The following PCDHGA2 variants were observed in gnomAD, a reference collection of about 807,000 sequenced individuals.
PCDHGA2 encodes the protein protocadherin gamma-A2.
In PCDHGA2, 40 loss-of-function variants were observed where a neutral mutation model predicts 59.2. The ratio of observed to expected loss-of-function variants is 0.68; its 90% CI spans 0.52 to 0.88. The LOEUF (loss-of-function observed/expected upper bound fraction) is 0.88, where lower values mean the gene tolerates loss of function less well. Ranked by LOEUF, PCDHGA2 falls within the 40% of genes least tolerant of loss-of-function variation. The pLI is 0.00. For missense variants in PCDHGA2, 1,226 were observed against 1,204.0 expected, an observed-to-expected ratio of 1.02 and a Z score of -0.27; for synonymous variants, 560 against 526.0, an observed-to-expected ratio of 1.06 and a Z score of -0.89.
At chr5:141,447,947 A>G (rs2098555998) in intron 1 of PCDHGA2, among the ~76,000 whole-genome samples, 1 of 151,958 alleles carries the variant, frequency 6.6e-6, no homozygotes, top group South Asian at 2.1e-4. Flanking sequence ...TTAGCTGGGC[A>G]TGGTGGCGGA....
At chr5:141,418,484 C>T (rs771278923) in intron 1 of PCDHGA2, 1 of 1,613,878 alleles carries the variant, frequency 6.2e-7, no homozygotes, top group East Asian at 2.2e-5. Flanking sequence ...GAGCGCTCAC[C>T]ACTTGGTACT....
At chr5:141,377,245 G>C (rs376774075) in intron 1 of PCDHGA2, 1 of 151,350 alleles carries the variant, frequency 6.6e-6, no homozygotes, top group South Asian at 2.1e-4. Context: ...TGTGACATTT[G>C]TAAGGTTCTT....
intron 1 of PCDHGA2, chr5:141,418,494 T>TGATGGTGGG: frequency 6.2e-7 from 1 of 1,614,020 alleles, no homozygotes; most frequent in Non-Finnish European, 8.5e-7. Context: ...CACTTGGTAC[T>TGATGGTGGG]GACCGCCTTA....
chr5:141,488,040 G>A (rs1212272063), intron 1 of PCDHGA2, among the ~76,000 whole-genome samples: 1 of 152,112 alleles, frequency 6.6e-6, no homozygotes, highest in Non-Finnish European at 1.5e-5. Flanking sequence ...CATTTCCCAA[G>A]GGATTGAGGG....
At chr5:141,391,253 T>C (rs1157052865) in intron 1 of PCDHGA2, 1 of 152,146 alleles carries the variant, frequency 6.6e-6, no homozygotes, top group Non-Finnish European at 1.5e-5. Flanking sequence ...AAGCAACTGC[T>C]TCAGTTAATG....
chr5:141,386,030 A>G (rs2090434667), intron 1 of PCDHGA2: 1 of 152,256 alleles, frequency 6.6e-6, no homozygotes, highest in African/African-American at 2.4e-5. Flanking sequence ...CATTTGTGAC[A>G]TAGGCAATTA....
chr5:141,487,459 T>A lies in PCDHGA2; in HGVS notation c.2425-7348T>A. The A allele has an allele frequency of 1.2e-6, 2 of 1,614,102 alleles. No homozygotes were observed. Among genetic ancestry groups the A allele is most frequent in the Non-Finnish European group, 1.7e-6 (2 of 1,180,008 alleles). On this transcript the variant is annotated intron_variant, in intron 1 of 3. Transcript: ENST00000394576. The surrounding 1 kb of genome is among the most constrained non-coding windows in gnomAD (Gnocchi z 5.0). ...TAGGGTCAGATGACCCTATCAAGTT[T>A]GTTGATGTGGGAGGCCACTCTCATG...
chr5:141,376,210 C>T lies in PCDHGA2; in HGVS notation c.2424+34815C>T, dbSNP rs112869528. On this transcript the variant is annotated intron_variant, in intron 1 of 3. Transcript: ENST00000394576. ...CCTGCGTCTTCCTGGCCTTCGTCAT[C>T]GTGCTGCTGGCGCTCAGACTGCAGC... is the stretch of plus-strand genomic sequence containing the variant. 4,829 of 1,614,162 alleles carry T rather than the reference C, an allele frequency of 3.0e-3. 128 individuals carry two copies. The African/African-American group carries it at 0.055, about 18-fold the overall frequency.
intron 1 of PCDHGA2, chr5:141,398,637 T>G: frequency 6.2e-7 from 1 of 1,614,026 alleles, no homozygotes; most frequent in Non-Finnish European, 8.5e-7. Context: ...TGCAGAAGTA[T>G]AAACTCTCTC....
chr5:141,346,881 G>A (rs534651488), intron 1 of PCDHGA2, among the ~76,000 whole-genome samples: 19 of 152,298 alleles, frequency 1.2e-4, no homozygotes, highest in Admixed American at 9.8e-4. Context: ...ATTCCAACCT[G>A]TATAGCTTAT....
At chr5:141,402,788 C>A in intron 1 of PCDHGA2, 1 of 937,148 alleles carries the variant, frequency 1.1e-6, no homozygotes, top group Non-Finnish European at 1.5e-6. Flanking sequence ...AGTTCTGCGG[C>A]TACACAAAAC....
chr5:141,494,394 T>C (rs1437164389), intron 1 of PCDHGA2, among the ~76,000 whole-genome samples: 1 of 152,154 alleles, frequency 6.6e-6, no homozygotes, highest in African/African-American at 2.4e-5. Flanking sequence ...GTTGAATAAA[T>C]TCATTCTAGG....
intron 1 of PCDHGA2, chr5:141,395,360 G>A (rs2093220996): frequency 3.9e-6 from 5 of 1,290,318 alleles, no homozygotes; most frequent in Non-Finnish European, 5.2e-6. Context: ...AGAGTTTTGG[G>A]TTTATTTTGG....
chr5:141,383,239 A>T, intron 1 of PCDHGA2: 1 of 1,613,966 alleles, frequency 6.2e-7, no homozygotes, highest in South Asian at 1.1e-5. Flanking sequence ...GGAAGATAAA[A>T]TGAATCTTTA....
Position 141,364,526 on chromosome 5 carries a change from A to G in PCDHGA2, c.2424+23131A>G, listed in dbSNP as rs532623040. The G allele has an allele frequency of 8.7e-6, 14 of 1,614,060 alleles. No homozygotes were observed. In the African/African-American group the frequency reaches 1.7e-4, roughly 20 times the overall value. On this transcript the variant is annotated intron_variant, in intron 1 of 3. Coordinates refer to ENST00000394576, the MANE Select transcript of PCDHGA2 (RefSeq NM_018915.4). ...GGAGCTGGCGGAGCGCGGAGTCCGC[A>G]TCGTCTCCAGAGGTAGGACGCAGCT...
At chr5:141,370,637 T>A (rs749641470) in intron 1 of PCDHGA2, 1 of 1,613,770 alleles carries the variant, frequency 6.2e-7, no homozygotes, top group South Asian at 1.1e-5. Flanking sequence ...GCCCCGAAAA[T>A]GGGAACTTAC....
At chr5:141,436,173 A>T (rs556225963) in intron 1 of PCDHGA2, among the ~76,000 whole-genome samples, 1 of 152,302 alleles carries the variant, frequency 6.6e-6, no homozygotes, top group East Asian at 1.9e-4. Context: ...GACAGTTCTC[A>T]TATATAGTCA....
rs187873649 is a variant in PCDHGA2, at chr5:141,469,715, G to A, written c.2425-25092G>A. ...TATGACCTAGTAATCACACTATTAG[G>A]AATTTATCATAAATACACACCTCAA... On this transcript the variant is annotated intron_variant, in intron 1 of 3. Coordinates refer to ENST00000394576, the MANE Select transcript of PCDHGA2 (RefSeq NM_018915.4). Among the ~76,000 whole-genome samples, 552 of 152,160 alleles carry A rather than the reference G, an allele frequency of 3.6e-3. 1 individual carries two copies. Among genetic ancestry groups the A allele is most frequent in the Non-Finnish European group, 5.8e-3 (397 of 68,008 alleles).
chr5:141,415,977 C>A (rs1479258110), intron 1 of PCDHGA2: 2 of 354,488 alleles, frequency 5.6e-6, no homozygotes, highest in Non-Finnish European at 9.4e-6. Context: ...CCTTAAGCAA[C>A]CCTCTTGTTC....
Sources: allele counts gnomAD v4.1 joint callset (sites outside exome capture counted in the v4.1 genomes callset), GRCh38; gene constraint gnomAD v4.1.1; non-coding constraint Gnocchi (gnomAD v3.1); transcripts MANE v1.5; gene names NCBI Gene and HGNC (gene_info 2026-07-23, HGNC 2026-07-21).